Variants in IFT122 observed in about 807,000 individuals in gnomAD.
IFT122 encodes intraflagellar transport 122.
Under a neutral mutation model 161.6 loss-of-function variants are expected in IFT122, and 118 were observed. That is an observed-to-expected ratio of 0.73 (90% CI 0.63 to 0.85). The LOEUF is 0.85. Ranked by LOEUF, IFT122 falls within the 40% of genes least tolerant of loss-of-function variation. IFT122 has a pLI of 0.00. For synonymous variants in IFT122, 550 were observed against 602.4 expected (o/e 0.91, Z 1.27); for missense variants, 1,381 against 1,579.6 (o/e 0.87, Z 2.13).
At chr3:129,448,020 T>A (rs1178701834) in intron 1 of IFT122, among the ~76,000 whole-genome samples, 1 of 152,204 alleles carries the variant, frequency 6.6e-6, no homozygotes, top group Admixed American at 6.5e-5. Context: ...CACTTTCATG[T>A]CTTTGCTTGT....
intron 14 of IFT122, among the ~76,000 whole-genome samples, chr3:129,481,925 A>T (rs1005062357): frequency 1.3e-5 from 2 of 152,208 alleles, no homozygotes; most frequent in African/African-American, 4.8e-5. Flanking sequence ...TTCCTTGCCA[A>T]TGGAAACCGA....
At chr3:129,470,211 G>A (rs2077216974) in intron 9 of IFT122, among the ~76,000 whole-genome samples, 1 of 152,106 alleles carries the variant, frequency 6.6e-6, no homozygotes, top group African/African-American at 2.4e-5. Context: ...TGAAAACAGA[G>A]CTGAAGAGGA....
At chr3:129,470,421 G>A (rs1274421324) in intron 9 of IFT122, among the ~76,000 whole-genome samples, 2 of 151,798 alleles carry the variant, frequency 1.3e-5, no homozygotes, top group African/African-American at 2.4e-5. Flanking sequence ...CCACCACCAC[G>A]CCTGGCTAAT....
At chr3:129,448,543 G>C (rs184838113) in intron 1 of IFT122, among the ~76,000 whole-genome samples, 351 of 152,188 alleles carry the variant, frequency 2.3e-3, no homozygotes, top group Non-Finnish European at 3.8e-3. Flanking sequence ...GCGCCATGTT[G>C]CCCGTTTCTT....
intron 9 of IFT122, among the ~76,000 whole-genome samples, chr3:129,475,344 G>A (rs1577566423): frequency 6.6e-6 from 1 of 152,074 alleles, no homozygotes; most frequent in African/African-American, 2.4e-5. Flanking sequence ...AAGGTTCAAC[G>A]TAGAGTTTAA....
At chr3:129,516,979 G>GAA (rs2083918455) in intron 26 of IFT122, among the ~76,000 whole-genome samples, 1 of 77,506 alleles carries the variant, frequency 1.3e-5, no homozygotes, top group East Asian at 4.2e-4. Flanking sequence ...CACACACACA[G>GAA]ACTGCCCCTG....
intron 24 of IFT122, 127 bp downstream of exon 24, chr3:129,512,539 C>T (rs2082957750): frequency 2.6e-6 from 2 of 780,000 alleles, no homozygotes; most frequent in African/African-American, 3.4e-5. Context: ...AGACAGAGAA[C>T]TCACCCTCCC....
In IFT122 at chr3:129,517,268, G is replaced by GCACGCGCGCACACA. The variant is rs1553776446; in HGVS notation, c.3266-198_3266-197insGCGCGCACACACAC. On this transcript the variant is annotated intron_variant, in intron 26 of 29. Transcript: ENST00000348417. ...CCCTGCACACACACACATTGCTCCTGCACACACACACACACACACACACAC... is the reference window on the plus strand; with the variant it reads ...CCCTGCACACACACACATTGCTCCTGCACGCGCGCACACACACACACACACACACACACACACAC... Among the ~76,000 whole-genome samples the GCACGCGCGCACACA allele has an allele frequency of 6.0e-3, 705 of 117,088 alleles. 4 individuals carry two copies. The highest frequency in any genetic ancestry group is 0.021 in the African/African-American group (637 of 30,952). 76.8% of individuals were successfully genotyped at this position (117,088 alleles called of 152,430 possible).
intron 13 of IFT122, 94 bp downstream of exon 13, chr3:129,480,016 C>A: frequency 3.4e-6 from 5 of 1,480,638 alleles, no homozygotes; most frequent in Non-Finnish European, 4.7e-6. Context: ...GTTCTCAGGG[C>A]AGGAAAAGGG....
chr3:129,458,112 A>G (rs1420069063), intron 3 of IFT122: 2 of 162,244 alleles, frequency 1.2e-5, no homozygotes, highest in African/African-American at 4.8e-5. Context: ...TAGCTTAATC[A>G]TTCTTCAATG....
At chr3:129,514,894 C>G in intron 25 of IFT122, 1 of 446,030 alleles carries the variant, frequency 2.2e-6, no homozygotes, top group Non-Finnish European at 4.2e-6. Context: ...CTGACTCTTA[C>G]TCTAGAAACC....
chr3:129,498,566 T>C (rs1463841819), intron 18 of IFT122, among the ~76,000 whole-genome samples: 2 of 152,186 alleles, frequency 1.3e-5, no homozygotes, highest in African/African-American at 4.8e-5. Flanking sequence ...GGGTATACAA[T>C]GCGCTTTCCT....
At chr3:129,469,263 C>G (rs1315396692) in intron 8 of IFT122, 79 bp from the exon 9 acceptor site, 6 of 1,248,238 alleles carry the variant, frequency 4.8e-6, no homozygotes, top group Admixed American at 3.4e-5. Flanking sequence ...CTTCCTTGTT[C>G]CTGTTGTTTA....
In IFT122 at chr3:129,469,540, T is replaced by G. The variant is rs2077146957; in HGVS notation, c.816+123T>G. On this transcript the variant is annotated intron_variant, in intron 9 of 29. Transcript: ENST00000348417. ...CCTGCTTATTGAGCATTTGCTGTGG[T>G]ACCAGATACTGTGCTCACTGCTTTG... 4 of 795,316 alleles carry G rather than the reference T, an allele frequency of 5.0e-6. No homozygotes were observed. In the East Asian group the frequency reaches 1.1e-4, roughly 21 times the overall value. 49.3% of individuals were successfully genotyped at this position (795,316 alleles called of 1,614,324 possible). A position where few individuals can be genotyped will look rare whatever the true frequency, so the allele number is the denominator to read the frequency against.
intron 3 of IFT122, among the ~76,000 whole-genome samples, chr3:129,457,309 G>C (rs1354489351): frequency 6.6e-6 from 1 of 152,180 alleles, no homozygotes; most frequent in Non-Finnish European, 1.5e-5. Flanking sequence ...ATCACTCTTT[G>C]CTTAAAACCT....
At chr3:129,447,065 G>A (rs570642088) in intron 1 of IFT122, among the ~76,000 whole-genome samples, 1 of 152,216 alleles carries the variant, frequency 6.6e-6, no homozygotes, top group South Asian at 2.1e-4. Context: ...CCATGTTCTA[G>A]CAACATCTTG....
intron 11 of IFT122, 56 bp from the exon 12 acceptor site, chr3:129,477,960 C>A: frequency 1.4e-6 from 2 of 1,434,976 alleles, no homozygotes; most frequent in Non-Finnish European, 2.0e-6. Flanking sequence ...AATTTCTCTG[C>A]CTTGCACCTT....
chr3:129,481,481 G>A (rs1559921650), intron 13 of IFT122, 49 bp from the exon 14 acceptor site: 26 of 1,399,468 alleles, frequency 1.9e-5, no homozygotes, highest in Non-Finnish European at 2.6e-5. Flanking sequence ...AGTGGGCCAG[G>A]ATCTTGTTGC....
intron 4 of IFT122, among the ~76,000 whole-genome samples, chr3:129,460,485 C>T (rs905071741): frequency 1.3e-5 from 2 of 151,888 alleles, no homozygotes. Context: ...CACTATGACT[C>T]CTGAGCTCAA....
Sources: gnomAD v4.1 joint callset for allele counts (sites outside exome capture counted in the v4.1 genomes callset) on GRCh38, gnomAD v4.1.1 for gene constraint, MANE v1.5 for transcripts, NCBI Gene and HGNC (gene_info 2026-07-23, HGNC 2026-07-21) for gene names.